MYOM3: variants seen among roughly 807,000 people sequenced by gnomAD.
MYOM3 encodes the protein myomesin-3.
A neutral mutation model predicts 191.7 loss-of-function variants in MYOM3; 155 were observed. The ratio of observed to expected loss-of-function variants is 0.81; its 90% CI spans 0.71 to 0.92. The LOEUF (loss-of-function observed/expected upper bound fraction) is 0.92. Among genes scored for constraint, MYOM3 ranks in the 40% least tolerant of loss-of-function variants. The probability of loss-of-function intolerance (pLI) is 0.00; values close to 1 mark genes in which losing one functional copy is unlikely to be tolerated. For missense variants in MYOM3, 1,889 were observed against 1,890.6 expected (o/e 1.00, Z 0.02); for synonymous variants, 757 against 762.9 (o/e 0.99, Z 0.13).
intron 34 of MYOM3, 89 bp from the exon 35 acceptor site, chr1:24,061,171 G>T (rs1643365230): frequency 6.2e-7 from 1 of 1,605,778 alleles, no homozygotes; most frequent in Non-Finnish European, 8.5e-7. Flanking sequence ...ATGAAGGAAA[G>T]GTGGAGCTGG....
At chr1:24,061,428 C>G (rs923196882) in intron 33 of MYOM3, 119 bp from the exon 34 acceptor site, 1 of 1,022,820 alleles carries the variant, frequency 9.8e-7, no homozygotes, top group Non-Finnish European at 1.5e-6. Flanking sequence ...CTCCCCATGC[C>G]GATGTTTCTT....
At chr1:24,097,415 T>C (rs1315618581) in intron 7 of MYOM3, among the ~76,000 whole-genome samples, 5 of 152,176 alleles carry the variant, frequency 3.3e-5, no homozygotes, top group East Asian at 1.9e-4. Context: ...CTGTTTTCCA[T>C]TTGCCAAGCC....
intron 7 of MYOM3, among the ~76,000 whole-genome samples, chr1:24,097,293 C>T (rs994000387): frequency 3.9e-4 from 60 of 152,116 alleles, no homozygotes; most frequent in Non-Finnish European, 3.5e-4. Context: ...TCCGGTGGGC[C>T]AAGCATGCTC....
rs74061500 is a variant in MYOM3 at position 24,107,480 on chromosome 1, G to A, written c.243-248C>T. On this transcript the variant is annotated intron_variant, in intron 3 of 36. Coordinates refer to ENST00000374434, the MANE Select transcript of MYOM3 (RefSeq NM_152372.4). Reference sequence around the variant, plus strand: ...AAACCTTTGTTCATCTTGTTTTCACGACAGCCAAGTGGCCAGGCCTTAGTG... The same window carrying A: ...AAACCTTTGTTCATCTTGTTTTCACAACAGCCAAGTGGCCAGGCCTTAGTG... Among the ~76,000 whole-genome samples, 1,003 of 152,246 alleles carry A rather than the reference G, an allele frequency of 6.6e-3. 13 individuals are homozygous for A. Among genetic ancestry groups the A allele is most frequent in the African/African-American group, 0.023 (971 of 41,538 alleles).
intron 9 of MYOM3, among the ~76,000 whole-genome samples, chr1:24,094,616 T>C (rs1643868744): frequency 6.6e-6 from 1 of 152,074 alleles, no homozygotes; most frequent in Admixed American, 6.5e-5. Context: ...GCCCCTACCA[T>C]TTACCCCAGC....
chr1:24,067,939 G>A (rs370840881), intron 27 of MYOM3, 31 bp downstream of exon 27: 6 of 1,609,368 alleles, frequency 3.7e-6, no homozygotes, highest in Non-Finnish European at 3.4e-6. Flanking sequence ...CAGTGGCCAG[G>A]GATTTTGAAC....
chr1:24,108,230 C>CG, intron 2 of MYOM3, 157 bp from the exon 3 acceptor site: 3 of 777,570 alleles, frequency 3.9e-6, no homozygotes, highest in Admixed American at 5.7e-5. Flanking sequence ...GGCTGCATCC[C>CG]CCCGACCCTG....
intron 5 of MYOM3, among the ~76,000 whole-genome samples, chr1:24,105,137 C>T (rs945577843): frequency 1.1e-4 from 17 of 152,278 alleles, no homozygotes; most frequent in African/African-American, 3.8e-4. Flanking sequence ...GCCATGGTTC[C>T]CCTCCCAGGA....
At chr1:24,065,651 T>C in intron 29 of MYOM3, 1 of 570,544 alleles carries the variant, frequency 1.8e-6, no homozygotes, top group Admixed American at 2.9e-5. Context: ...ATTCTGTCTC[T>C]ATTGAAAATT....
chr1:24,062,455 C>G (rs1419989286), intron 32 of MYOM3, among the ~76,000 whole-genome samples: 1 of 152,186 alleles, frequency 6.6e-6, no homozygotes, highest in Non-Finnish European at 1.5e-5. Flanking sequence ...TTGGCTCTCA[C>G]TCATTTGACA....
chr1:24,074,803 G>A (rs994420662), intron 22 of MYOM3, among the ~76,000 whole-genome samples: 4 of 152,202 alleles, frequency 2.6e-5, no homozygotes, highest in Admixed American at 2.6e-4. Context: ...CAATGCCATT[G>A]GCTGAGCGCA....
intron 16 of MYOM3, chr1:24,083,000 C>A: frequency 3.7e-6 from 1 of 269,596 alleles, no homozygotes; most frequent in Non-Finnish European, 6.9e-6. Context: ...CAGCCAACCC[C>A]AAACCCAGCG....
chr1:24,080,234 G>T, intron 19 of MYOM3, 40 bp from the exon 20 acceptor site: 1 of 1,498,644 alleles, frequency 6.7e-7, no homozygotes, highest in Non-Finnish European at 9.1e-7. Flanking sequence ...TGTGAGTTGG[G>T]CAGCCAGGCA....
chr1:24,064,177 C>T lies in MYOM3; in HGVS notation c.3535-18G>A, dbSNP rs561528624. Reference sequence around the variant, plus strand: ...TTGGACAACTGGAAAGAAGGATGAGCGATGGTGGTGTCAGCATGGGCTCCA... The same window carrying T: ...TTGGACAACTGGAAAGAAGGATGAGTGATGGTGGTGTCAGCATGGGCTCCA... On this transcript the variant is annotated intron_variant, in intron 29 of 36. Coordinates refer to ENST00000374434, the MANE Select transcript of MYOM3 (RefSeq NM_152372.4). 1.0e-5 allele frequency: 16 copies of T among 1,602,550 alleles called. No homozygotes were observed. Among genetic ancestry groups the T allele is most frequent in the African/African-American group, 2.7e-5 (2 of 74,712 alleles).
In MYOM3 at chr1:24,063,206, C is replaced by T; in HGVS notation, c.3690G>A (p.Gln1230=). 6.2e-7 allele frequency: 1 copy of T among 1,613,986 alleles called. No individual in the cohort carries two copies. The highest frequency in any genetic ancestry group is 1.1e-5 in the South Asian group (1 of 91,076). The change falls in exon 32 of 37, where the codon CAG becomes CAA. Residue 1230 remains glutamine, a synonymous_variant. Transcript: ENST00000374434. The surrounding 1 kb of genome is among the most constrained non-coding windows in gnomAD (Gnocchi z 4.5). ...GALSATPLKI[Q]GTEEGIRIFS... is the part of the protein sequence containing the mutation. ...AGATCCGGATCCCTTCCTCGGTCCC[C>T]TGGATTTTCAGTGGAGTTGCAGAGA... is the stretch of plus-strand genomic sequence containing the variant.
At chr1:24,094,564 C>T (rs1209255856) in intron 9 of MYOM3, among the ~76,000 whole-genome samples, 2 of 152,134 alleles carry the variant, frequency 1.3e-5, no homozygotes, top group Admixed American at 6.5e-5. Context: ...GGCTTCCTCC[C>T]TCCTCCCAGG....
At chr1:24,059,040 T>G in intron 35 of MYOM3, 61 bp from the exon 36 acceptor site, 2 of 1,204,080 alleles carry the variant, frequency 1.7e-6, no homozygotes, top group Non-Finnish European at 2.4e-6. Flanking sequence ...TTCCCAGAAG[T>G]TTCATAGAGT....
At position 24,063,400 on chromosome 1, in the gene MYOM3, C is replaced by A. The variant is rs1452022085; in HGVS notation, c.3661+92G>T. 13 of 1,533,470 alleles carry A rather than the reference C, an allele frequency of 8.5e-6. No homozygotes were observed. In the East Asian group the frequency reaches 1.1e-4, roughly 13 times the overall value. 95.0% of individuals were successfully genotyped at this position (1,533,470 alleles called of 1,614,324 possible). ...CGGTGTTTGAGGTTAGAAACTAAAC[C>A]CACCCCCAATAGCCAAGGCCAGTGT... On this transcript the variant is annotated intron_variant, in intron 31 of 36. Coordinates refer to ENST00000374434, the MANE Select transcript of MYOM3 (RefSeq NM_152372.4). This position sits in a 1 kb window ranked among gnomAD's most constrained non-coding sequence, Gnocchi z 4.5.
chr1:24,070,908 G>C (rs1643523151), intron 25 of MYOM3, among the ~76,000 whole-genome samples: 2 of 152,122 alleles, frequency 1.3e-5, no homozygotes, highest in Non-Finnish European at 2.9e-5. Flanking sequence ...CCAGCATGTA[G>C]TGTCCCTGCC....
Sources: gnomAD v4.1 joint callset for allele counts (sites outside exome capture counted in the v4.1 genomes callset) on GRCh38, gnomAD v4.1.1 for gene constraint, Gnocchi (gnomAD v3.1) non-coding constraint, MANE v1.5 for transcripts, NCBI Gene and HGNC (gene_info 2026-07-23, HGNC 2026-07-21) for gene names.